WBP2NL: variants seen among roughly 807,000 people sequenced by gnomAD.
WBP2NL encodes the protein postacrosomal sheath WW domain-binding protein.
WBP2NL carries 27 observed loss-of-function variants against 23.3 expected under a neutral mutation model. The ratio of observed to expected loss-of-function variants is 1.16; its 90% CI spans 0.85 to 1.60. The LOEUF (loss-of-function observed/expected upper bound fraction) is 1.60. WBP2NL is among the 40% of genes most tolerant of loss of function. The probability of loss-of-function intolerance (pLI) is 0.00; values close to 1 mark genes in which losing one functional copy is unlikely to be tolerated. For synonymous variants in WBP2NL, 151 were observed against 145.9 expected, an observed-to-expected ratio of 1.03 and a Z score of -0.25; for missense variants, 370 against 389.5, an observed-to-expected ratio of 0.95 and a Z score of 0.42.
At chr22:42,030,558 G>A (rs1009332229), downstream of WBP2NL, 4 of 152,268 alleles carry the variant, frequency 2.6e-5, no homozygotes, top group Admixed American at 6.5e-5. Context: ...AGTGAAAAGG[G>A]AAAGTGTGGC....
At chr22:42,032,743 A>AC (rs1325474608), downstream of WBP2NL, 3 of 470,546 alleles carry the variant, frequency 6.4e-6, no homozygotes, top group Non-Finnish European at 1.3e-5. Context: ...ACTGCTAGAG[A>AC]ATAAACTTTC....
chr22:42,014,196 C>T (rs12157763), intron 1 of WBP2NL, among the ~76,000 whole-genome samples: 24 of 152,256 alleles, frequency 1.6e-4, no homozygotes, highest in African/African-American at 5.8e-4. Context: ...GCTGGGATTA[C>T]AGGCATGAGC....
intron 5 of WBP2NL, among the ~76,000 whole-genome samples, 154 bp from the exon 6 acceptor site, chr22:42,026,612 T>C (rs895079855): frequency 6.6e-6 from 1 of 152,230 alleles, no homozygotes; most frequent in Non-Finnish European, 1.5e-5. Context: ...ATGCCTTCAA[T>C]TGGTGATAGC....
At chr22:42,019,013 GA>G (rs1201420418) in intron 1 of WBP2NL, among the ~76,000 whole-genome samples, 2 of 151,664 alleles carry the variant, frequency 1.3e-5, no homozygotes, top group African/African-American at 4.8e-5. Flanking sequence ...ACAAGGTCAG[GA>G]GATCGAGACC....
chr22:42,018,151 A>G (rs1264422478), intron 1 of WBP2NL, among the ~76,000 whole-genome samples: 3 of 147,332 alleles, frequency 2.0e-5, no homozygotes, highest in Admixed American at 6.9e-5. Flanking sequence ...CTTCTCTCAA[A>G]AAAAAAAAAA....
chr22:42,013,386 CAAA>C (rs879371078), intron 1 of WBP2NL, among the ~76,000 whole-genome samples: 2 of 84,438 alleles, frequency 2.4e-5, no homozygotes, highest in African/African-American at 4.4e-5. Context: ...AACTCCATCT[CAAA>C]AAAAAAAAAA....
chr22:42,053,985 A>G (rs1925937633), intron 8 of WBP2NL, among the ~76,000 whole-genome samples: 1 of 152,074 alleles, frequency 6.6e-6, no homozygotes, highest in African/African-American at 2.4e-5. Flanking sequence ...AAATGAGACA[A>G]GGTCTTACTA....
At chr22:42,001,680 G>T in intron 1 of WBP2NL, 1 of 1,213,454 alleles carries the variant, frequency 8.2e-7, no homozygotes, top group Non-Finnish European at 1.2e-6. Context: ...AGGAAGATCT[G>T]CTTGTATTTA....
At chr22:42,009,080 A>G (rs1922571349) in intron 1 of WBP2NL, among the ~76,000 whole-genome samples, 1 of 151,936 alleles carries the variant, frequency 6.6e-6, no homozygotes, top group Non-Finnish European at 1.5e-5. Context: ...GGCCTGGCCA[A>G]TTTTTTTGTA....
At chr22:42,038,712 C>T (rs537383063) in intron 8 of WBP2NL, among the ~76,000 whole-genome samples, 1 of 152,050 alleles carries the variant, frequency 6.6e-6, no homozygotes, top group African/African-American at 2.4e-5. Flanking sequence ...ACGCCATTCT[C>T]CTGCCTCAGC....
At chr22:42,047,046 A>G (rs560981837) in intron 8 of WBP2NL, among the ~76,000 whole-genome samples, 4 of 152,236 alleles carry the variant, frequency 2.6e-5, no homozygotes, top group African/African-American at 9.6e-5. Context: ...TCAAAACACA[A>G]CTTCTCAGTG....
intron 8 of WBP2NL, among the ~76,000 whole-genome samples, chr22:42,045,786 TAGG>T (rs762388885): frequency 6.6e-5 from 10 of 152,178 alleles, no homozygotes; most frequent in African/African-American, 1.7e-4. Context: ...TTCCAGAAAA[TAGG>T]AGGAGAGACT....
chr22:42,035,604 A>G (rs1925153735), downstream of WBP2NL, among the ~76,000 whole-genome samples: 1 of 152,234 alleles, frequency 6.6e-6, no homozygotes, highest in South Asian at 2.1e-4. Flanking sequence ...ATATGTAGCT[A>G]TTAAACACAG....
At chr22:42,019,870 A>G in intron 3 of WBP2NL, 67 bp downstream of exon 3, 1 of 1,603,386 alleles carries the variant, frequency 6.2e-7, no homozygotes, top group Middle Eastern at 1.7e-4. Flanking sequence ...TTAAGATTCA[A>G]ACTTGGCTCA....
downstream of WBP2NL, chr22:42,030,457 A>C (rs899254190): frequency 6.6e-6 from 1 of 152,226 alleles, no homozygotes; most frequent in Non-Finnish European, 1.5e-5. Context: ...TCCTCTCAGA[A>C]ATTACTGGGA....
rs577465793 is a variant in WBP2NL, at chr22:42,023,548, G to C, written c.514+1192G>C. Among the ~76,000 whole-genome samples, 19 of 151,904 alleles carry C rather than the reference G, an allele frequency of 1.3e-4. No homozygotes were observed. In the South Asian group the frequency reaches 4.0e-3, roughly 32 times the overall value. On this transcript the variant is annotated intron_variant, in intron 5 of 5. Coordinates refer to ENST00000328823, the MANE Select transcript of WBP2NL (RefSeq NM_152613.3). Reference sequence around the variant, plus strand: ...GAGGGAGTCTTGCTCTGTCGCCCAGGCTGGAGTGCAGTGGCGCGATGCAAG... The same window carrying C: ...GAGGGAGTCTTGCTCTGTCGCCCAGCCTGGAGTGCAGTGGCGCGATGCAAG...
chr22:42,000,653 G>A (rs1921544334), intron 1 of WBP2NL, among the ~76,000 whole-genome samples: 1 of 152,156 alleles, frequency 6.6e-6, no homozygotes, highest in South Asian at 2.1e-4. Flanking sequence ...AGATAGCCGG[G>A]CGCGGTGGCC....
At chr22:42,011,011 T>C (rs1274670272) in intron 1 of WBP2NL, among the ~76,000 whole-genome samples, 2 of 152,222 alleles carry the variant, frequency 1.3e-5, no homozygotes, top group South Asian at 2.1e-4. Context: ...GTCCTTTTAA[T>C]GTGCTGCTGA....
intron 5 of WBP2NL, among the ~76,000 whole-genome samples, chr22:42,023,231 C>T (rs953451178): frequency 1.3e-5 from 2 of 151,450 alleles, no homozygotes; most frequent in African/African-American, 4.9e-5. Context: ...GTCACCCAGG[C>T]TGTAGTGCAG....
Sources: allele counts gnomAD v4.1 joint callset (sites outside exome capture counted in the v4.1 genomes callset), GRCh38; gene constraint gnomAD v4.1.1; transcripts MANE v1.5; gene names NCBI Gene and HGNC (gene_info 2026-07-23, HGNC 2026-07-21).